BNC2: variants seen among roughly 807,000 people sequenced by gnomAD.
BNC2 encodes zinc finger protein basonuclin-2.
In BNC2, 20 loss-of-function variants were observed where a neutral mutation model predicts 76.3. That is an observed-to-expected ratio of 0.26 (90% confidence interval 0.18 to 0.38). The LOEUF (loss-of-function observed/expected upper bound fraction) is 0.38, where lower values mean the gene tolerates loss of function less well. Ranked by LOEUF, BNC2 falls within the 10% of genes least tolerant of loss-of-function variation. The pLI is 1.00. For missense variants in BNC2, 1,382 were observed against 1,399.8 expected (o/e 0.99, Z 0.20); for synonymous variants, 582 against 514.8 (o/e 1.13, Z -1.77).
At chr9:16,681,094 T>G (rs1403168363) in intron 3 of BNC2, among the ~76,000 whole-genome samples, 2 of 152,198 alleles carry the variant, frequency 1.3e-5, no homozygotes, top group African/African-American at 4.8e-5. Flanking sequence ...CAGTCTAGTT[T>G]TTATCAGAAT....
chr9:16,785,479 C>T (rs1414113956), intron 1 of BNC2, among the ~76,000 whole-genome samples: 1 of 151,900 alleles, frequency 6.6e-6, no homozygotes, highest in Non-Finnish European at 1.5e-5. Context: ...ACTGCAACCT[C>T]CACCTCCCAG....
At chr9:16,672,297 A>G (rs1822500949) in intron 3 of BNC2, among the ~76,000 whole-genome samples, 1 of 152,182 alleles carries the variant, frequency 6.6e-6, no homozygotes, top group Non-Finnish European at 1.5e-5. Context: ...GGAGATCCAG[A>G]CGGTCCTGGC....
At chr9:16,506,201 A>G (rs749261194) in intron 5 of BNC2, among the ~76,000 whole-genome samples, 3 of 152,216 alleles carry the variant, frequency 2.0e-5, no homozygotes, top group Non-Finnish European at 4.4e-5. Context: ...GAGTTCCACA[A>G]ACTTTTTACA....
chr9:16,464,301 C>T (rs1027250329), intron 5 of BNC2, among the ~76,000 whole-genome samples: 1 of 152,042 alleles, frequency 6.6e-6, no homozygotes, highest in Non-Finnish European at 1.5e-5. Context: ...AATGTCTGGA[C>T]ATCTGCTCCA....
At chr9:16,468,680 C>A (rs901362309) in intron 5 of BNC2, among the ~76,000 whole-genome samples, 9 of 152,104 alleles carry the variant, frequency 5.9e-5, no homozygotes, top group Non-Finnish European at 8.8e-5. Flanking sequence ...TGTGAGCCAC[C>A]ACACCCGGAC....
At chr9:16,435,229 G>A (rs373435498) in intron 6 of BNC2, 34 of 396,836 alleles carry the variant, frequency 8.6e-5, no homozygotes, top group African/African-American at 5.4e-4. Flanking sequence ...GAAGGTTCAC[G>A]GGGAAGCAGG....
Position 16,502,552 on chromosome 9 carries a change from T to TC in BNC2, c.669+49977dup, listed in dbSNP as rs574781770. 8.4e-4 allele frequency among the ~76,000 whole-genome samples: 124 copies of TC among 148,378 alleles called. 1 individual carries two copies. The highest frequency in any genetic ancestry group is 2.3e-3 in the African/African-American group (88 of 38,754). On this transcript the variant is annotated intron_variant, in intron 5 of 6. Transcript: ENST00000380672. The stretch of plus-strand genomic sequence containing the variant: ...CCACACTGTTTTGTTTTGTCTTTTT[T>TC]CCCCCCCTCTTACTTCTTCTTGGGG...
chr9:16,821,232 T>G (rs1471785874), intron 1 of BNC2, among the ~76,000 whole-genome samples: 1 of 90,498 alleles, frequency 1.1e-5, no homozygotes, highest in African/African-American at 3.9e-5. Context: ...AAACTCCGTC[T>G]CAAAAAAAAA....
intron 3 of BNC2, among the ~76,000 whole-genome samples, chr9:16,639,196 G>A (rs1821415584): frequency 6.6e-6 from 1 of 152,018 alleles, no homozygotes; most frequent in Non-Finnish European, 1.5e-5. Context: ...TGACACTTTA[G>A]GAGACATTTT....
intron 1 of BNC2, among the ~76,000 whole-genome samples, chr9:16,860,453 C>T (rs1371873639): frequency 6.6e-6 from 1 of 152,148 alleles, no homozygotes; most frequent in Non-Finnish European, 1.5e-5. Context: ...GTCTTTTCAA[C>T]AAATAGTGCT....
intron 5 of BNC2, among the ~76,000 whole-genome samples, chr9:16,461,043 T>A (rs1374408192): frequency 6.6e-6 from 1 of 152,026 alleles, no homozygotes; most frequent in Admixed American, 6.6e-5. Context: ...GATAACATTT[T>A]TAATTACATC....
intron 6 of BNC2, chr9:16,435,248 T>C (rs534189304): frequency 6.7e-6 from 3 of 447,420 alleles, no homozygotes; most frequent in Non-Finnish European, 1.2e-5. Context: ...GGGAACCGTG[T>C]ACATAGTTAA....
chr9:16,620,724 A>G (rs568127951), intron 3 of BNC2, among the ~76,000 whole-genome samples: 4 of 152,338 alleles, frequency 2.6e-5, no homozygotes, highest in African/African-American at 9.6e-5. Context: ...TTTAAACTAC[A>G]TTTTAAAATT....
intron 5 of BNC2, chr9:16,476,377 T>A (rs1821927788): frequency 6.6e-6 from 1 of 152,114 alleles, no homozygotes; most frequent in African/African-American, 2.4e-5. Context: ...GTGCTCCCTT[T>A]AGGTCGCCGT....
At chr9:16,845,085 T>C (rs990530597) in intron 1 of BNC2, among the ~76,000 whole-genome samples, 1 of 152,090 alleles carries the variant, frequency 6.6e-6, no homozygotes, top group Non-Finnish European at 1.5e-5. Flanking sequence ...AACTGATGAG[T>C]AGGAAGTTCC....
intron 1 of BNC2, among the ~76,000 whole-genome samples, chr9:16,777,878 A>C (rs965674435): frequency 2.6e-5 from 4 of 152,148 alleles, no homozygotes; most frequent in African/African-American, 7.2e-5. Context: ...ATTCTCTGAG[A>C]CCGGAAAAAA....
At chr9:16,481,351 C>T (rs1431453962) in intron 5 of BNC2, among the ~76,000 whole-genome samples, 1 of 152,124 alleles carries the variant, frequency 6.6e-6, no homozygotes, top group Non-Finnish European at 1.5e-5. Flanking sequence ...AAGCTTTGTT[C>T]TTTCGCTCCT....
chr9:16,739,846 G>A (rs1021123117), intron 1 of BNC2, among the ~76,000 whole-genome samples: 1 of 152,218 alleles, frequency 6.6e-6, no homozygotes, highest in Non-Finnish European at 1.5e-5. Flanking sequence ...CAGGAAAATG[G>A]TAGCATTATC....
At chr9:16,597,871 G>A (rs760350998) in intron 3 of BNC2, among the ~76,000 whole-genome samples, 17 of 151,642 alleles carry the variant, frequency 1.1e-4, no homozygotes, top group South Asian at 8.3e-4. Flanking sequence ...CTTTCATTCC[G>A]TGCCTGGTTT....
Sources: allele counts gnomAD v4.1 joint callset (sites outside exome capture counted in the v4.1 genomes callset), GRCh38; gene constraint gnomAD v4.1.1; transcripts MANE v1.5; gene names NCBI Gene and HGNC (gene_info 2026-07-23, HGNC 2026-07-21).